The following ANO10 variants were observed in gnomAD, a reference collection of about 807,000 sequenced individuals.
ANO10 encodes anoctamin-10.
A neutral mutation model predicts 74.7 loss-of-function variants in ANO10; 77 were observed. The observed-to-expected ratio is 1.03, with a 90% CI of 0.86 to 1.25. The LOEUF (loss-of-function observed/expected upper bound fraction) is 1.25. Ranked by LOEUF, ANO10 falls within the 50% of genes most tolerant of loss-of-function variation. The pLI, the probability that ANO10 is intolerant of heterozygous loss-of-function variation, is 0.00. For synonymous variants in ANO10, 279 were observed against 284.9 expected, an observed-to-expected ratio of 0.98 and a Z score of 0.21; for missense variants, 721 against 778.1, an observed-to-expected ratio of 0.93 and a Z score of 0.87.
At chr3:43,553,335 C>A (rs869045734) in intron 10 of ANO10, among the ~76,000 whole-genome samples, 1 of 152,090 alleles carries the variant, frequency 6.6e-6, no homozygotes, top group Non-Finnish European at 1.5e-5. Context: ...CTTGAATCTG[C>A]AGTTTTGGGT....
intron 1 of ANO10, among the ~76,000 whole-genome samples, chr3:43,608,482 C>T (rs1204028100): frequency 6.6e-6 from 1 of 152,158 alleles, no homozygotes; most frequent in Admixed American, 6.5e-5. Context: ...CCAGGCTCAT[C>T]TCGAACTCTT....
intron 11 of ANO10, among the ~76,000 whole-genome samples, chr3:43,451,927 T>C (rs2074895439): frequency 2.0e-5 from 3 of 152,166 alleles, no homozygotes; most frequent in South Asian, 2.1e-4. Context: ...TGTTGTTGGT[T>C]TTCTACTCCC....
At chr3:43,600,325 C>T in intron 3 of ANO10, 59 bp downstream of exon 3, 3 of 1,583,288 alleles carry the variant, frequency 1.9e-6, no homozygotes, top group Non-Finnish European at 2.6e-6. Context: ...CTGATCTATT[C>T]ATCATAAACT....
chr3:43,619,625 G>A (rs2083285212), intron 1 of ANO10, among the ~76,000 whole-genome samples: 1 of 151,934 alleles, frequency 6.6e-6, no homozygotes, highest in Non-Finnish European at 1.5e-5. Context: ...CATGGGGGGT[G>A]GATCTATTGA....
intron 11 of ANO10, among the ~76,000 whole-genome samples, chr3:43,459,277 T>G (rs2075277225): frequency 6.6e-6 from 1 of 152,146 alleles, no homozygotes; most frequent in African/African-American, 2.4e-5. Flanking sequence ...TCGGTGTTGT[T>G]GAAGGAAAAG....
intron 12 of ANO10, among the ~76,000 whole-genome samples, chr3:43,376,064 T>C (rs1194753589): frequency 2.6e-5 from 4 of 152,220 alleles, no homozygotes; most frequent in African/African-American, 9.6e-5. Flanking sequence ...GATGGCCTCT[T>C]GTCACCAACT....
At chr3:43,608,846 G>T (rs909018526) in intron 1 of ANO10, among the ~76,000 whole-genome samples, 3 of 152,198 alleles carry the variant, frequency 2.0e-5, no homozygotes, top group Non-Finnish European at 4.4e-5. Context: ...TTCCCAAAGT[G>T]CTGGGATTGC....
intron 1 of ANO10, among the ~76,000 whole-genome samples, chr3:43,667,747 C>T (rs2084009477): frequency 6.6e-6 from 1 of 152,146 alleles, no homozygotes; most frequent in African/African-American, 2.4e-5. Context: ...CCAGCTCTAT[C>T]CAAGTTGCTG....
At chr3:43,432,983 G>GTTTTTT (rs2093011898) in intron 11 of ANO10, among the ~76,000 whole-genome samples, 2 of 69,108 alleles carry the variant, frequency 2.9e-5, no homozygotes, top group Non-Finnish European at 3.0e-5. Flanking sequence ...TTGAGACCGA[G>GTTTTTT]TTTCATTCTG....
chr3:43,520,068 C>G (rs1478601744), intron 11 of ANO10, among the ~76,000 whole-genome samples: 2 of 152,092 alleles, frequency 1.3e-5, no homozygotes, highest in Non-Finnish European at 2.9e-5. Context: ...TCCCAGTGAC[C>G]ATATGGTCTC....
chr3:43,531,164 G>A (rs1267680172), intron 11 of ANO10, among the ~76,000 whole-genome samples: 1 of 152,198 alleles, frequency 6.6e-6, no homozygotes, highest in Non-Finnish European at 1.5e-5. Flanking sequence ...TCTACATGCT[G>A]TAGAGCTAAT....
intron 11 of ANO10, among the ~76,000 whole-genome samples, chr3:43,457,938 C>A (rs1309295457): frequency 6.6e-6 from 1 of 152,054 alleles, no homozygotes; most frequent in Non-Finnish European, 1.5e-5. Flanking sequence ...CAACCCATCC[C>A]CCACCCCCTA....
chr3:43,478,738 T>G (rs1440636801), intron 11 of ANO10, among the ~76,000 whole-genome samples: 1 of 152,228 alleles, frequency 6.6e-6, no homozygotes, highest in Non-Finnish European at 1.5e-5. Flanking sequence ...AAACACAGAT[T>G]ATTCACACCA....
Position 43,581,052 on chromosome 3 carries a change from T to C in ANO10, c.473-580A>G, listed in dbSNP as rs191682596. On this transcript the variant is annotated intron_variant, in intron 4 of 12. Coordinates refer to ENST00000292246, the MANE Select transcript of ANO10 (RefSeq NM_018075.5). ...TAAAATTTGTACAAATACCTTTCCC[T>C]ACCTGTCTACTATTTCCTTAGTAAA... 1.1e-4 allele frequency among the ~76,000 whole-genome samples: 17 copies of C among 152,324 alleles called. No individual in the cohort carries two copies. The East Asian group carries it at 2.7e-3, about 24-fold the overall frequency.
intron 1 of ANO10, among the ~76,000 whole-genome samples, chr3:43,632,832 A>T (rs1207484810): frequency 6.6e-6 from 1 of 152,240 alleles, no homozygotes; most frequent in African/African-American, 2.4e-5. Flanking sequence ...GGCAGATATG[A>T]CATAATGAAA....
chr3:43,571,058 T>G (rs1477146368), intron 7 of ANO10, among the ~76,000 whole-genome samples: 1 of 151,650 alleles, frequency 6.6e-6, no homozygotes, highest in East Asian at 1.9e-4. Flanking sequence ...AGAAGACATT[T>G]ACGCAGCCAA....
chr3:43,684,173 T>C (rs1458063559), intron 1 of ANO10, among the ~76,000 whole-genome samples: 1 of 152,050 alleles, frequency 6.6e-6, no homozygotes, highest in Non-Finnish European at 1.5e-5. Flanking sequence ...ATTTTTGCAA[T>C]CTACTCATCT....
chr3:43,539,346 GA>G (rs906572577), intron 11 of ANO10, among the ~76,000 whole-genome samples: 8 of 149,120 alleles, frequency 5.4e-5, no homozygotes, highest in South Asian at 2.1e-4. Flanking sequence ...TTCCAACCTA[GA>G]AAAAAAAAAT....
chr3:43,658,928 C>A (rs762365351), intron 1 of ANO10, among the ~76,000 whole-genome samples: 1 of 152,002 alleles, frequency 6.6e-6, no homozygotes, highest in Non-Finnish European at 1.5e-5. Flanking sequence ...TATTTCTTGA[C>A]CTGGGTGGTA....
Sources: allele counts gnomAD v4.1 joint callset (sites outside exome capture counted in the v4.1 genomes callset), GRCh38; gene constraint gnomAD v4.1.1; transcripts MANE v1.5; gene names NCBI Gene and HGNC (gene_info 2026-07-23, HGNC 2026-07-21).